Variants in CAPN2 observed in about 807,000 individuals in gnomAD.
CAPN2 encodes the protein calpain-2 catalytic subunit.
Under a neutral mutation model 102.3 loss-of-function variants are expected in CAPN2, and 92 were observed. That is an observed-to-expected ratio of 0.90 (90% CI 0.76 to 1.07). CAPN2 has a LOEUF of 1.07. Ranked by LOEUF, CAPN2 falls within the 50% of genes least tolerant of loss-of-function variation. The pLI is 0.00. For missense variants in CAPN2, 800 were observed against 909.4 expected, an observed-to-expected ratio of 0.88 and a Z score of 1.55; for synonymous variants, 340 against 355.4, an observed-to-expected ratio of 0.96 and a Z score of 0.49.
At chr1:223,724,034 A>G (rs1052843766) in intron 2 of CAPN2, among the ~76,000 whole-genome samples, 3 of 151,726 alleles carry the variant, frequency 2.0e-5, no homozygotes, top group African/African-American at 4.9e-5. Context: ...CCACGCCCCT[A>G]TACGGCCATA....
At chr1:223,716,033 G>A (rs898141702) in intron 1 of CAPN2, among the ~76,000 whole-genome samples, 19 of 152,320 alleles carry the variant, frequency 1.2e-4, no homozygotes, top group African/African-American at 3.4e-4. Flanking sequence ...AGGGTCCTAC[G>A]ACCTACATAA....
chr1:223,770,622 C>A, intron 18 of CAPN2, 97 bp downstream of exon 18: 3 of 812,516 alleles, frequency 3.7e-6, no homozygotes, highest in Non-Finnish European at 6.0e-6. Context: ...TTTGGTAAAG[C>A]TATAAAATAA....
chr1:223,764,100 T>C (rs932109900), intron 14 of CAPN2, 50 bp from the exon 15 acceptor site: 1 of 1,485,876 alleles, frequency 6.7e-7, no homozygotes, highest in Non-Finnish European at 9.4e-7. Context: ...CCTGTGCTCA[T>C]CCAGCTCCCA....
At chr1:223,737,716 G>GT (rs372269656) in intron 2 of CAPN2, among the ~76,000 whole-genome samples, 1 of 28,184 alleles carries the variant, frequency 3.5e-5, no homozygotes, top group Non-Finnish European at 9.7e-5. Flanking sequence ...GCGGGGGGTG[G>GT]GGGGGAGAGA....
chr1:223,769,860 T>C lies in CAPN2; in HGVS notation c.1775T>C (p.Leu592Pro). 1 of 1,609,284 alleles carries C rather than the reference T, an allele frequency of 6.2e-7. No homozygotes were observed. Among genetic ancestry groups the C allele is most frequent in the Non-Finnish European group, 8.5e-7 (1 of 1,177,672 alleles). ...DMLDSDGSGK[L>P]GLKEFYILWT... ...AGGCAGTCGGACGGGAGTGGCAAGC[T>C]GGGGCTGAAGGAGTTCTACATTCTC... is the stretch of plus-strand genomic sequence containing the variant. Residue 592 changes from leucine (L) to proline (P), a missense_variant, in exon 17 of 21, where the codon CTG becomes CCG. By Grantham distance (98) the Leu-to-Pro change is moderately conservative (BLOSUM62 -3). Transcript: ENST00000295006.
chr1:223,764,330 CAAG>C, intron 15 of CAPN2, 123 bp downstream of exon 15: 1 of 773,794 alleles, frequency 1.3e-6, no homozygotes, highest in Non-Finnish European at 2.3e-6. Context: ...CCATCCCCTC[CAAG>C]AAGTGGATGA....
chr1:223,704,913 T>C (rs566450636), intron 1 of CAPN2, among the ~76,000 whole-genome samples: 16 of 152,290 alleles, frequency 1.1e-4, no homozygotes, highest in Admixed American at 7.2e-4. Context: ...GTTGGGTGAC[T>C]GTCATATGTC....
At chr1:223,741,882 T>A (rs1660627047) in intron 2 of CAPN2, among the ~76,000 whole-genome samples, 1 of 152,116 alleles carries the variant, frequency 6.6e-6, no homozygotes, top group South Asian at 2.1e-4. Context: ...GTTTAAGCAG[T>A]TCTCCTGCCT....
rs571892662 is a variant in CAPN2, at chr1:223,747,180, C to T, written c.729+15C>T. 1.9e-6 allele frequency: 3 copies of T among 1,598,652 alleles called. No homozygotes were observed. In the East Asian group the frequency reaches 6.7e-5, roughly 36 times the overall value. ...GCTCCATCGACGTAAGTCCAGGCTG[C>T]CTTCCCTAGCCTCACCCCATCTGCT... On this transcript the variant is annotated intron_variant, in intron 5 of 20. Coordinates refer to ENST00000295006, the MANE Select transcript of CAPN2 (RefSeq NM_001748.5).
At position 223,737,387 on chromosome 1, in the gene CAPN2, G is replaced by A. The variant is rs573972660; in HGVS notation, c.308-6713G>A. On this transcript the variant is annotated intron_variant, in intron 2 of 20. Transcript: ENST00000295006. ...ACCTCCAGGCAGGGCCTCATCTGCT[G>A]CCGTTAGTAATAAACATGGCCAGCA... is the stretch of plus-strand genomic sequence containing the variant. Among the ~76,000 whole-genome samples the A allele has an allele frequency of 9.7e-4, 147 of 152,316 alleles. 1 individual carries two copies. Among genetic ancestry groups the A allele is most frequent in the Non-Finnish European group, 1.7e-3 (113 of 68,024 alleles).
At chr1:223,770,131 T>C (rs975542659) in intron 17 of CAPN2, 7 of 592,092 alleles carry the variant, frequency 1.2e-5, no homozygotes, top group Non-Finnish European at 1.5e-5. Context: ...CTCCTGATTA[T>C]TGGGATCATC....
rs1040870810 is a variant in CAPN2 at position 223,760,731 on chromosome 1, A to G, written c.1530-850A>G. 2.6e-5 allele frequency among the ~76,000 whole-genome samples: 4 copies of G among 151,582 alleles called. No individual in the cohort carries two copies. The South Asian group carries it at 6.3e-4, about 24-fold the overall frequency. The stretch of plus-strand genomic sequence containing the variant: ...CTCCCAGGGAAGCCTCAACCCCTCA[A>G]CTCTCTCTAGGGTGAGCTCCCTACC... On this transcript the variant is annotated intron_variant, in intron 12 of 20. Transcript: ENST00000295006.
intron 17 of CAPN2, 157 bp from the exon 18 acceptor site, chr1:223,770,290 T>C: frequency 1.6e-6 from 1 of 618,988 alleles, no homozygotes; most frequent in South Asian, 2.0e-5. Flanking sequence ...AGCAAAATAC[T>C]ATTAGTTATT....
intron 20 of CAPN2, among the ~76,000 whole-genome samples, chr1:223,773,873 A>AAAAT (rs1337075181): frequency 1.3e-5 from 2 of 151,878 alleles, no homozygotes; most frequent in African/African-American, 4.8e-5. Flanking sequence ...AAATAAATAA[A>AAAAT]AAATAAAAAA....
At chr1:223,770,550 G>C in intron 18 of CAPN2, 25 bp downstream of exon 18, 4 of 1,493,630 alleles carry the variant, frequency 2.7e-6, no homozygotes, top group Non-Finnish European at 3.7e-6. Flanking sequence ...CTGCATTTTC[G>C]TTCCTAGTTT....
chr1:223,770,666 T>A, intron 18 of CAPN2, 141 bp downstream of exon 18: 1 of 559,882 alleles, frequency 1.8e-6, no homozygotes, highest in South Asian at 2.4e-5. Context: ...CACCTCCTTT[T>A]CATTCCCCTT....
In CAPN2 at chr1:223,712,822, A is replaced by G; in HGVS notation, c.182A>G (p.Lys61Arg). Residue 61 changes from lysine to arginine, a missense_variant, in exon 1 of 21, where the codon AAG (lysine) becomes AGG (arginine). Coordinates refer to ENST00000295006, the MANE Select transcript of CAPN2 (RefSeq NM_001748.5). ...GCCATCCCCTCGGCCCTGGGCTTCA[A>G]GGAGTTGGGGCCCTACTCCAGCAAA... Reference protein sequence around the residue: ...FPAIPSALGFKELGPYSSKTR... With the variant: ...FPAIPSALGFRELGPYSSKTR... The G allele has an allele frequency of 5.7e-6, 9 of 1,573,544 alleles. No homozygotes were observed. The highest frequency in any genetic ancestry group is 7.7e-6 in the Non-Finnish European group (9 of 1,162,704).
rs764027418 is a variant in CAPN2, at chr1:223,774,871, C to A, written c.*14C>A. On this transcript the variant is annotated 3_prime_UTR_variant, in exon 21 of 21. Coordinates refer to ENST00000295006, the MANE Select transcript of CAPN2 (RefSeq NM_001748.5). Reference sequence around the variant, plus strand: ...TCAGTACTTTGAAGTTATAACTAATCTGCCTGAAGACTTCTCATGATGGAA... The same window carrying A: ...TCAGTACTTTGAAGTTATAACTAATATGCCTGAAGACTTCTCATGATGGAA... 6.2e-7 allele frequency: 1 copy of A among 1,611,000 alleles called. No homozygotes were observed. The highest frequency in any genetic ancestry group is 2.2e-5 in the East Asian group (1 of 44,802).
intron 2 of CAPN2, among the ~76,000 whole-genome samples, chr1:223,728,280 C>A (rs1356416050): frequency 6.6e-6 from 1 of 152,148 alleles, no homozygotes; most frequent in East Asian, 1.9e-4. Flanking sequence ...ACAGAGTCAT[C>A]TGTAGGCCCC....
Sources: allele counts gnomAD v4.1 joint callset (sites outside exome capture counted in the v4.1 genomes callset), GRCh38; gene constraint gnomAD v4.1.1; transcripts MANE v1.5; gene names NCBI Gene and HGNC (gene_info 2026-07-23, HGNC 2026-07-21).